Variants in MYO5A observed in about 807,000 individuals in gnomAD.
MYO5A encodes the protein unconventional myosin-Va.
A neutral mutation model predicts 249.7 loss-of-function variants in MYO5A; 98 were observed. That is an observed-to-expected ratio of 0.39 (90% CI 0.33 to 0.46). The LOEUF is 0.46. Among genes scored for constraint, MYO5A ranks in the 20% least tolerant of loss-of-function variants. The pLI is 0.98. For missense variants in MYO5A, 1,696 were observed against 2,308.8 expected, an observed-to-expected ratio of 0.73 and a Z score of 5.44; for synonymous variants, 778 against 810.6, an observed-to-expected ratio of 0.96 and a Z score of 0.68.
chr15:52,373,525 C>A (rs769895260), intron 20 of MYO5A, among the ~76,000 whole-genome samples: 2 of 152,164 alleles, frequency 1.3e-5, no homozygotes, highest in South Asian at 2.1e-4. Flanking sequence ...AAGACCCCCC[C>A]ACTCCAAATC....
intron 1 of MYO5A, among the ~76,000 whole-genome samples, chr15:52,489,099 T>C (rs1056960286): frequency 2.1e-4 from 32 of 152,136 alleles, no homozygotes; most frequent in African/African-American, 7.5e-4. Flanking sequence ...TTATACCACA[T>C]AGAAAAATTA....
At chr15:52,331,398 A>T (rs547183246) in intron 34 of MYO5A, among the ~76,000 whole-genome samples, 21 of 152,286 alleles carry the variant, frequency 1.4e-4, no homozygotes, top group Non-Finnish European at 2.9e-4. Context: ...TCCAACAAAA[A>T]GTAAAGGGAC....
intron 1 of MYO5A, among the ~76,000 whole-genome samples, chr15:52,441,802 G>T (rs2075791185): frequency 6.6e-6 from 1 of 152,264 alleles, no homozygotes; most frequent in Non-Finnish European, 1.5e-5. Context: ...TATCTTTAAA[G>T]ACTGTGAGCT....
Position 52,321,494 on chromosome 15 carries a change from T to C in MYO5A, c.4816A>G (p.Asn1606Asp). ...YSGEEGFMKHNTSRQNEHCLT... is the reference protein window; with the variant it reads ...YSGEEGFMKHDTSRQNEHCLT... ...CAGTGTTCATTCTGGCGAGATGTGT[T>C]GTGCTTCATAAAGCCCTAGAGTCAT... Residue 1606 changes from asparagine (N) to aspartate (D), a missense_variant, in exon 38 of 42, where the codon AAC becomes GAC. By Grantham distance (23) the Asn-to-Asp change is conservative. This residue lies in a region of MYO5A where 625 missense variants were observed against 908.1 expected (regional missense o/e 0.69). Transcript: ENST00000399233. The C allele has an allele frequency of 6.2e-7, 1 of 1,614,234 alleles. No homozygotes were observed. Among genetic ancestry groups the C allele is most frequent in the Non-Finnish European group, 8.5e-7 (1 of 1,180,038 alleles).
chr15:52,445,457 C>A (rs974852793), intron 1 of MYO5A, among the ~76,000 whole-genome samples: 2 of 152,020 alleles, frequency 1.3e-5, no homozygotes. Context: ...TATAGCAATG[C>A]AAGAATGAAC....
intron 1 of MYO5A, among the ~76,000 whole-genome samples, chr15:52,442,090 G>A (rs1042755673): frequency 6.6e-6 from 1 of 152,134 alleles, no homozygotes; most frequent in Non-Finnish European, 1.5e-5. Flanking sequence ...GAAGTAATGA[G>A]AAATCCTTTT....
At chr15:52,442,019 C>T (rs913105233) in intron 1 of MYO5A, among the ~76,000 whole-genome samples, 2 of 152,112 alleles carry the variant, frequency 1.3e-5, no homozygotes, top group East Asian at 3.8e-4. Context: ...ATGCATTAGA[C>T]AGTTATGTAA....
At chr15:52,416,339 G>C (rs1173813834) in intron 4 of MYO5A, 38 bp from the exon 5 acceptor site, 2 of 1,592,392 alleles carry the variant, frequency 1.3e-6, no homozygotes, top group South Asian at 1.1e-5. Flanking sequence ...AACTGCCATT[G>C]CTGCCTATAG....
intron 1 of MYO5A, among the ~76,000 whole-genome samples, chr15:52,488,142 T>A (rs916016251): frequency 9.9e-5 from 15 of 151,742 alleles, no homozygotes. Flanking sequence ...GTTGAAAGAA[T>A]TATGGATGAG....
rs563337633 is a variant in MYO5A at position 52,517,806 on chromosome 15, T to A, written c.27+10974A>T. Among the ~76,000 whole-genome samples the A allele has an allele frequency of 2.7e-5, 4 of 148,746 alleles. No individual in the cohort carries two copies. The South Asian group carries it at 8.8e-4, about 33-fold the overall frequency. The stretch of plus-strand genomic sequence containing the variant: ...AGTTTAAAAATCATTTTAAAAATCA[T>A]TACCATTTGTGAATATAGACAAAAG... On this transcript the variant is annotated intron_variant, in intron 1 of 41. Coordinates refer to ENST00000399233, the MANE Select transcript of MYO5A (RefSeq NM_001382347.1).
chr15:52,472,597 G>A (rs1451695512), intron 1 of MYO5A, among the ~76,000 whole-genome samples: 2 of 152,018 alleles, frequency 1.3e-5, no homozygotes, highest in Admixed American at 1.3e-4. Context: ...CTGTGTCCCT[G>A]TGTTCTCATT....
At chr15:52,425,323 C>CT in intron 4 of MYO5A, among the ~76,000 whole-genome samples, 1 of 151,728 alleles carries the variant, frequency 6.6e-6, no homozygotes, top group Non-Finnish European at 1.5e-5. Context: ...TTTAAAAACT[C>CT]TATGTCCCTT....
intron 9 of MYO5A, among the ~76,000 whole-genome samples, chr15:52,399,015 T>TA (rs1197444295): frequency 4.0e-3 from 569 of 141,410 alleles, no homozygotes; most frequent in African/African-American, 0.011. Flanking sequence ...TTCTTAAAAT[T>TA]AAAAAAAAAA....
intron 9 of MYO5A, among the ~76,000 whole-genome samples, chr15:52,403,732 A>G (rs1356619656): frequency 2.0e-5 from 3 of 152,244 alleles, no homozygotes; most frequent in African/African-American, 7.2e-5. Flanking sequence ...TTAAAAGACT[A>G]GCAATGTTTC....
intron 1 of MYO5A, among the ~76,000 whole-genome samples, chr15:52,465,870 G>C (rs182186487): frequency 7.6e-4 from 115 of 152,054 alleles, no homozygotes; most frequent in South Asian, 1.7e-3. Context: ...GAAAAGCAAT[G>C]AGTCCAACAG....
At position 52,314,128 on chromosome 15, in the gene MYO5A, T is replaced by C; in HGVS notation, c.5485A>G (p.Ile1829Val). The change falls in exon 41 of 42, where the codon ATA becomes GTA. Residue 1829 changes from isoleucine to valine, a missense_variant. This residue lies in a region of MYO5A where 625 missense variants were observed against 908.1 expected (regional missense o/e 0.69). Coordinates refer to ENST00000399233, the MANE Select transcript of MYO5A (RefSeq NM_001382347.1). ...ERVSVSFIRT[I>V]QMRLRDRKDS... The stretch of plus-strand genomic sequence containing the variant: ...AAGAAGATGGGAGCTCTTACCTGTA[T>C]AGTACGAATGAACGACACAGAGACT... 7.5e-6 allele frequency: 12 copies of C among 1,605,280 alleles called. No homozygotes were observed. The highest frequency in any genetic ancestry group is 1.0e-5 in the Non-Finnish European group (12 of 1,172,676).
intron 21 of MYO5A, 29 bp downstream of exon 21, chr15:52,372,095 C>A: frequency 6.2e-7 from 1 of 1,613,006 alleles, no homozygotes; most frequent in South Asian, 1.1e-5. Flanking sequence ...AGGCATACTC[C>A]ACTCTCAGGG....
At chr15:52,441,540 C>T (rs1490942321) in intron 1 of MYO5A, among the ~76,000 whole-genome samples, 1 of 152,178 alleles carries the variant, frequency 6.6e-6, no homozygotes, top group East Asian at 1.9e-4. Flanking sequence ...GTTTGCTATA[C>T]CCTGAACAAG....
chr15:52,518,439 G>A (rs1215773682), intron 1 of MYO5A, among the ~76,000 whole-genome samples: 4 of 152,072 alleles, frequency 2.6e-5, no homozygotes, highest in Non-Finnish European at 4.4e-5. Flanking sequence ...TACACATTCC[G>A]ACTTTATGAA....
Sources: allele counts gnomAD v4.1 joint callset (sites outside exome capture counted in the v4.1 genomes callset), GRCh38; gene constraint gnomAD v4.1.1; regional missense constraint gnomAD v4.1.1; transcripts MANE v1.5; gene names NCBI Gene and HGNC (gene_info 2026-07-23, HGNC 2026-07-21).